Variants in GOLIM4 observed in about 807,000 individuals in gnomAD.
The protein encoded by GOLIM4 is golgi integral membrane protein 4.
A neutral mutation model predicts 107.4 loss-of-function variants in GOLIM4; 71 were observed. The ratio of observed to expected loss-of-function variants is 0.66; its 90% CI spans 0.55 to 0.81. The LOEUF (loss-of-function observed/expected upper bound fraction) is 0.81, where lower values mean the gene tolerates loss of function less well. Among genes scored for constraint, GOLIM4 ranks in the 30% least tolerant of loss-of-function variants. The probability of loss-of-function intolerance (pLI) is 0.00; values close to 1 mark genes in which losing one functional copy is unlikely to be tolerated. For synonymous variants in GOLIM4, 327 were observed against 294.8 expected, an observed-to-expected ratio of 1.11 and a Z score of -1.12; for missense variants, 830 against 826.1, an observed-to-expected ratio of 1.00 and a Z score of -0.06.
At chr3:168,067,649 C>T (rs1720619999) in intron 1 of GOLIM4, among the ~76,000 whole-genome samples, 1 of 151,484 alleles carries the variant, frequency 6.6e-6, no homozygotes, top group African/African-American at 2.4e-5. Flanking sequence ...TAAACTGAAA[C>T]ACACTAAATG....
intron 1 of GOLIM4, among the ~76,000 whole-genome samples, chr3:168,084,977 A>T (rs1165835852): frequency 1.3e-5 from 2 of 152,124 alleles, no homozygotes; most frequent in African/African-American, 4.8e-5. Flanking sequence ...AAAATGTGCC[A>T]GATGAACTGA....
At chr3:168,048,647 A>C (rs994448014) in intron 1 of GOLIM4, among the ~76,000 whole-genome samples, 3 of 152,132 alleles carry the variant, frequency 2.0e-5, no homozygotes, top group African/African-American at 7.2e-5. Context: ...CTTAAATGCA[A>C]GTGTCTTTTT....
rs542075734 is a variant in GOLIM4, at chr3:168,069,697, TA to T, written c.188-21333del. Among the ~76,000 whole-genome samples, 47 of 152,316 alleles carry T rather than the reference TA, an allele frequency of 3.1e-4. No individual in the cohort carries two copies. The East Asian group carries it at 7.3e-3, about 24-fold the overall frequency. ...GCTGCTTTGATGTTCTGTCTTTGAATAAAATGAATTAACTATGGAAACAGCA... is the reference window on the plus strand; with the variant it reads ...GCTGCTTTGATGTTCTGTCTTTGAATAAATGAATTAACTATGGAAACAGCA... On this transcript the variant is annotated intron_variant, in intron 1 of 15. Coordinates refer to ENST00000470487, the MANE Select transcript of GOLIM4 (RefSeq NM_014498.5).
At chr3:168,070,649 T>C (rs181988735) in intron 1 of GOLIM4, among the ~76,000 whole-genome samples, 30 of 152,314 alleles carry the variant, frequency 2.0e-4, no homozygotes, top group African/African-American at 7.2e-4. Flanking sequence ...TAATCAATAA[T>C]TGCCAATGGT....
chr3:168,088,024 A>G (rs1721713323), intron 1 of GOLIM4, among the ~76,000 whole-genome samples: 1 of 152,246 alleles, frequency 6.6e-6, no homozygotes, highest in Admixed American at 6.5e-5. Flanking sequence ...TATATGATAT[A>G]TAACTTTCAC....
At chr3:168,049,982 A>G (rs186147104) in intron 1 of GOLIM4, among the ~76,000 whole-genome samples, 4 of 151,976 alleles carry the variant, frequency 2.6e-5, no homozygotes, top group Non-Finnish European at 5.9e-5. Flanking sequence ...GCCTGTGACC[A>G]CTCAAATTTG....
intron 14 of GOLIM4, among the ~76,000 whole-genome samples, chr3:168,022,746 T>A (rs1310624986): frequency 6.6e-6 from 1 of 152,182 alleles, no homozygotes; most frequent in Admixed American, 6.5e-5. Context: ...GAGCAACAGT[T>A]CTCAGTGATG....
At chr3:168,053,871 T>C (rs909629504) in intron 1 of GOLIM4, among the ~76,000 whole-genome samples, 1 of 151,938 alleles carries the variant, frequency 6.6e-6, no homozygotes, top group African/African-American at 2.4e-5. Flanking sequence ...ATACTGGAGA[T>C]CTCCTAGAAA....
intron 3 of GOLIM4, among the ~76,000 whole-genome samples, chr3:168,046,038 C>A (rs1056658259): frequency 1.3e-5 from 2 of 152,142 alleles, no homozygotes; most frequent in Non-Finnish European, 2.9e-5. Flanking sequence ...TGTACCATCA[C>A]GCCCAGCTAA....
rs1232767008 is a variant in GOLIM4, at chr3:168,010,813, T to C, written c.1871A>G (p.Asp624Gly). 1.2e-6 allele frequency: 2 copies of C among 1,609,722 alleles called. No homozygotes were observed. Among genetic ancestry groups the C allele is most frequent in the African/African-American group, 2.7e-5 (2 of 74,874 alleles). Residue 624 changes from aspartate (D) to glycine (G), a missense_variant, in exon 15 of 16, where the codon GAT becomes GGT. Physicochemically the swap from Asp to Gly is moderately conservative, Grantham distance 94. Coordinates refer to ENST00000470487, the MANE Select transcript of GOLIM4 (RefSeq NM_014498.5). ...QEEAEEEVQE[D>G]LTEEKKRELE... ...TTCCCTTTTTTTCTCTTCAGTCAAA[T>C]CTTCCTGAACCTAAAACAAACCACA... is the stretch of plus-strand genomic sequence containing the variant.
Position 168,016,228 on chromosome 3 carries a change from G to A in GOLIM4, c.1861-5405C>T, listed in dbSNP as rs1467127704. ...CAAACAACCCCATCAAAAAGTGGGCGAAGGACATGAACAGACACTTCTCAA... is the reference window on the plus strand; with the variant it reads ...CAAACAACCCCATCAAAAAGTGGGCAAAGGACATGAACAGACACTTCTCAA... On this transcript the variant is annotated intron_variant, in intron 14 of 15. Transcript: ENST00000470487. Among the ~76,000 whole-genome samples, 13 of 133,250 alleles carry A rather than the reference G, an allele frequency of 9.8e-5. 1 individual carries two copies. Among genetic ancestry groups the A allele is most frequent in the East Asian group, 4.0e-4 (2 of 5,014 alleles). The allele number at this position is 133,250 out of a possible 152,430, so 87.4% of individuals were successfully genotyped here. A position where few individuals can be genotyped will look rare whatever the true frequency, so the allele number is the denominator to read the frequency against.
Position 168,014,560 on chromosome 3 carries a change from T to C in GOLIM4, c.1861-3737A>G, listed in dbSNP as rs1288817284. 1.5e-4 allele frequency among the ~76,000 whole-genome samples: 19 copies of C among 129,280 alleles called. 2 individuals are homozygous for C. Among genetic ancestry groups the C allele is most frequent in the African/African-American group, 8.4e-4 (18 of 21,438 alleles). 84.8% of individuals were successfully genotyped at this position (129,280 alleles called of 152,430 possible). A position where few individuals can be genotyped will look rare whatever the true frequency, so the allele number is the denominator to read the frequency against. ...TTTTATGAGGCCAGCATCATTCTGA[T>C]ACAAAGCCAGGCAGAGACACAACAA... On this transcript the variant is annotated intron_variant, in intron 14 of 15. Coordinates refer to ENST00000470487, the MANE Select transcript of GOLIM4 (RefSeq NM_014498.5).
At chr3:168,074,037 T>C (rs1720955398) in intron 1 of GOLIM4, among the ~76,000 whole-genome samples, 1 of 152,178 alleles carries the variant, frequency 6.6e-6, no homozygotes, top group Non-Finnish European at 1.5e-5. Flanking sequence ...TCCTCCTGTC[T>C]GGGATTCCTC....
intron 1 of GOLIM4, among the ~76,000 whole-genome samples, chr3:168,056,692 G>A (rs1426608871): frequency 2.0e-5 from 3 of 152,186 alleles, no homozygotes; most frequent in African/African-American, 7.2e-5. Context: ...CTGTCCTGCT[G>A]GATTTTGGTC....
At chr3:168,061,427 G>A (rs780342451) in intron 1 of GOLIM4, among the ~76,000 whole-genome samples, 8 of 152,146 alleles carry the variant, frequency 5.3e-5, no homozygotes, top group Non-Finnish European at 1.0e-4. Flanking sequence ...TAAAGCTGAT[G>A]AAGGCATATC....
intron 4 of GOLIM4, 117 bp downstream of exon 4, chr3:168,044,711 A>G (rs1719202981): frequency 1.6e-6 from 1 of 637,822 alleles, no homozygotes; most frequent in Non-Finnish European, 2.7e-6. Flanking sequence ...AAAATGCCAT[A>G]TTACAATACA....
chr3:168,064,120 G>A (rs1287404383), intron 1 of GOLIM4, among the ~76,000 whole-genome samples: 3 of 152,204 alleles, frequency 2.0e-5, no homozygotes, highest in Non-Finnish European at 4.4e-5. Context: ...TCCCCAGGCA[G>A]TGTGGATGTC....
At chr3:168,027,629 G>C (rs1718067945) in intron 12 of GOLIM4, 99 bp downstream of exon 12, 1 of 752,688 alleles carries the variant, frequency 1.3e-6, no homozygotes, top group African/African-American at 1.7e-5. Flanking sequence ...GGATATAACA[G>C]AAATATCTGG....
At chr3:168,071,040 T>C (rs371060019) in intron 1 of GOLIM4, among the ~76,000 whole-genome samples, 2 of 152,192 alleles carry the variant, frequency 1.3e-5, no homozygotes, top group Admixed American at 6.5e-5. Context: ...CAGAGAATAG[T>C]ACCTGGGGCA....
Sources: allele counts gnomAD v4.1 joint callset (sites outside exome capture counted in the v4.1 genomes callset), GRCh38; gene constraint gnomAD v4.1.1; transcripts MANE v1.5; gene names NCBI Gene and HGNC (gene_info 2026-07-23, HGNC 2026-07-21).